The following SH3RF3 variants were observed in gnomAD, a reference collection of about 807,000 sequenced individuals.
SH3RF3 encodes SH3 domain containing ring finger 3.
SH3RF3 carries 29 observed loss-of-function variants against 66.3 expected under a neutral mutation model. That is an observed-to-expected ratio of 0.44 (90% CI 0.33 to 0.60). SH3RF3 has a LOEUF of 0.60. SH3RF3 is among the 20% of genes least tolerant of loss of function. SH3RF3 has a pLI of 0.04. For missense variants in SH3RF3, 1,194 were observed against 1,190.9 expected (o/e 1.00, Z -0.04); for synonymous variants, 583 against 532.0 (o/e 1.10, Z -1.32).
chr2:109,215,660 A>T (rs1248781187), intron 1 of SH3RF3, among the ~76,000 whole-genome samples: 1 of 151,960 alleles, frequency 6.6e-6, no homozygotes, highest in Non-Finnish European at 1.5e-5. Context: ...CTCACCTACG[A>T]TTTTACTGAG....
intron 8 of SH3RF3, among the ~76,000 whole-genome samples, chr2:109,484,070 T>TC (rs1244090191): frequency 7.1e-6 from 1 of 140,208 alleles, no homozygotes; most frequent in African/African-American, 2.7e-5. Flanking sequence ...GGCCTTTCTT[T>TC]TTTTTTTTTT....
intron 7 of SH3RF3, among the ~76,000 whole-genome samples, chr2:109,448,947 C>T (rs931325007): frequency 6.6e-6 from 1 of 152,182 alleles, no homozygotes; most frequent in Non-Finnish European, 1.5e-5. Context: ...TGAGCCGTGG[C>T]AGGGCCCCCT....
At chr2:109,166,046 G>C (rs1677613773) in intron 1 of SH3RF3, among the ~76,000 whole-genome samples, 1 of 152,128 alleles carries the variant, frequency 6.6e-6, no homozygotes, top group South Asian at 2.1e-4. Context: ...TACATACCTT[G>C]GTGAGCCTCA....
intron 1 of SH3RF3, among the ~76,000 whole-genome samples, chr2:109,260,229 C>A (rs983299940): frequency 6.6e-6 from 1 of 152,104 alleles, no homozygotes; most frequent in African/African-American, 2.4e-5. Flanking sequence ...TGTGATTTAC[C>A]GTCCTCTCCC....
At chr2:109,498,659 A>G (rs963959416) in intron 9 of SH3RF3, among the ~76,000 whole-genome samples, 7 of 152,186 alleles carry the variant, frequency 4.6e-5, no homozygotes, top group Admixed American at 2.6e-4. Context: ...CCTAAGTAGT[A>G]TCAAGTAGGT....
intron 1 of SH3RF3, among the ~76,000 whole-genome samples, chr2:109,176,198 G>A (rs1677909151): frequency 1.3e-5 from 2 of 152,178 alleles, no homozygotes; most frequent in African/African-American, 4.8e-5. Context: ...TGGGGGAAAA[G>A]CAGACTTGTG....
chr2:109,293,326 A>G (rs780670608), intron 1 of SH3RF3, among the ~76,000 whole-genome samples: 2 of 152,246 alleles, frequency 1.3e-5, no homozygotes, highest in African/African-American at 4.8e-5. Context: ...CTTGTAGGAC[A>G]CAGAAGTGTC....
At chr2:109,364,246 C>G (rs982032259) in intron 2 of SH3RF3, among the ~76,000 whole-genome samples, 3 of 150,982 alleles carry the variant, frequency 2.0e-5, no homozygotes, top group African/African-American at 7.3e-5. Flanking sequence ...GAGAGTCTTT[C>G]CTCAACTGTG....
At chr2:109,221,131 G>C (rs1348220973) in intron 1 of SH3RF3, among the ~76,000 whole-genome samples, 1 of 152,224 alleles carries the variant, frequency 6.6e-6, no homozygotes, top group African/African-American at 2.4e-5. Flanking sequence ...ATTATGCTGA[G>C]TGAAATAAGT....
intron 2 of SH3RF3, among the ~76,000 whole-genome samples, chr2:109,361,247 T>G (rs1208725734): frequency 6.6e-6 from 1 of 152,216 alleles, no homozygotes; most frequent in East Asian, 1.9e-4. Context: ...TTGAGGATAT[T>G]TGCGTTTATG....
chr2:109,159,242 G>T (rs571715599), intron 1 of SH3RF3, among the ~76,000 whole-genome samples: 1 of 152,356 alleles, frequency 6.6e-6, no homozygotes, highest in South Asian at 2.1e-4. Flanking sequence ...GTGCTCTGCT[G>T]CTGGCCTTCC....
intron 1 of SH3RF3, among the ~76,000 whole-genome samples, chr2:109,189,408 G>A (rs929594433): frequency 9.5e-5 from 14 of 148,034 alleles, no homozygotes; most frequent in Admixed American, 2.7e-4. Flanking sequence ...AGTCTCTGTC[G>A]CCCAGGCTGG....
At chr2:109,454,320 A>G (rs947883227) in intron 8 of SH3RF3, among the ~76,000 whole-genome samples, 1 of 152,126 alleles carries the variant, frequency 6.6e-6, no homozygotes, top group Non-Finnish European at 1.5e-5. Context: ...CTGGGCATGG[A>G]CCCTTACCTG....
chr2:109,214,052 A>G (rs1223302489), intron 1 of SH3RF3, among the ~76,000 whole-genome samples: 2 of 152,118 alleles, frequency 1.3e-5, no homozygotes, highest in African/African-American at 4.8e-5. Flanking sequence ...GTTGGAGGAA[A>G]TGGAGGGCAG....
chr2:109,314,917 G>T (rs761682698), intron 1 of SH3RF3, among the ~76,000 whole-genome samples: 1 of 152,192 alleles, frequency 6.6e-6, no homozygotes, highest in Non-Finnish European at 1.5e-5. Flanking sequence ...GTGACCAAAA[G>T]AAACTTCGTC....
chr2:109,457,248 C>T (rs1395264984), intron 8 of SH3RF3, among the ~76,000 whole-genome samples: 1 of 152,072 alleles, frequency 6.6e-6, no homozygotes, highest in Non-Finnish European at 1.5e-5. Context: ...AGTCTGGATC[C>T]TAGAATTAAA....
chr2:109,211,032 G>C (rs1387424240), intron 1 of SH3RF3, among the ~76,000 whole-genome samples: 1 of 152,196 alleles, frequency 6.6e-6, no homozygotes, highest in Admixed American at 6.5e-5. Context: ...GTTGATGACA[G>C]CTCTTCAGTT....
chr2:109,163,586 A>G (rs943664464), intron 1 of SH3RF3, among the ~76,000 whole-genome samples: 1 of 150,926 alleles, frequency 6.6e-6, no homozygotes. Context: ...TTTTTAGTAG[A>G]GACGGGGTTT....
At chr2:109,321,796 G>A (rs1559022679) in intron 1 of SH3RF3, among the ~76,000 whole-genome samples, 1 of 152,206 alleles carries the variant, frequency 6.6e-6, no homozygotes, top group Non-Finnish European at 1.5e-5. Context: ...GTGTTCGCGA[G>A]GGATTGGTCA....
Sources: gnomAD v4.1 joint callset for allele counts (sites outside exome capture counted in the v4.1 genomes callset) on GRCh38, gnomAD v4.1.1 for gene constraint, MANE v1.5 for transcripts, NCBI Gene and HGNC (gene_info 2026-07-23, HGNC 2026-07-21) for gene names.